The following MTRF1 variants were observed in gnomAD, a reference collection of about 807,000 sequenced individuals.
MTRF1 encodes mitochondrial translation release factor 1.
Under a neutral mutation model 62.9 loss-of-function variants are expected in MTRF1, and 51 were observed. That is an observed-to-expected ratio of 0.81 (90% CI 0.65 to 1.02). The LOEUF is 1.02. MTRF1 is among the 50% of genes least tolerant of loss of function. MTRF1 has a pLI of 0.00. For synonymous variants in MTRF1, 158 were observed against 181.9 expected (o/e 0.87, Z 1.06); for missense variants, 446 against 530.0 (o/e 0.84, Z 1.56).
chr13:41,293,374 A>T, the MTRF1 span, among the ~76,000 whole-genome samples: 2 of 152,210 alleles, frequency 1.3e-5, no homozygotes, highest in Admixed American at 6.5e-5. Flanking sequence ...GTAAAACAAA[A>T]ATAGAAATGT....
At chr13:41,219,962 C>T (rs1488317219) in intron 9 of MTRF1, among the ~76,000 whole-genome samples, 1 of 139,560 alleles carries the variant, frequency 7.2e-6, no homozygotes, top group Non-Finnish European at 1.5e-5. Context: ...CACACCATTG[C>T]ACTCCAGCCT....
At chr13:41,302,324 C>T in the MTRF1 span, among the ~76,000 whole-genome samples, 1 of 152,176 alleles carries the variant, frequency 6.6e-6, no homozygotes, top group Admixed American at 6.5e-5. Context: ...GCCACCGTGC[C>T]TGGCCAAGAA....
At chr13:41,257,773 G>A in intron 2 of MTRF1, 1 of 450,560 alleles carries the variant, frequency 2.2e-6, no homozygotes. Flanking sequence ...ATTCCAGCCT[G>A]GGCCACAGAG....
At chr13:41,292,080 AAAACAAAAACAAAAAAC>A in the MTRF1 span, among the ~76,000 whole-genome samples, 1 of 152,368 alleles carries the variant, frequency 6.6e-6, no homozygotes, top group South Asian at 2.1e-4. Context: ...AACAAAAACA[AAAACAAAAACAAAAAAC>A]AAACAAAAAC....
chr13:41,223,800 C>T lies in MTRF1; in HGVS notation c.1126-446G>A, dbSNP rs545625985. ...TTCAGTTCATCCCATTCTCCAACTG[C>T]CCATTTCCAATTGGTTTCATGGGTC... On this transcript the variant is annotated intron_variant, in intron 8 of 9. Coordinates refer to ENST00000379480, the MANE Select transcript of MTRF1 (RefSeq NM_004294.4). Among the ~76,000 whole-genome samples the T allele has an allele frequency of 5.8e-4, 89 of 152,308 alleles. 1 individual carries two copies. The South Asian group carries it at 6.2e-3, about 11-fold the overall frequency.
At chr13:41,226,256 CAA>C (rs1338234982) in intron 8 of MTRF1, among the ~76,000 whole-genome samples, 174 bp downstream of exon 8, 1 of 152,138 alleles carries the variant, frequency 6.6e-6, no homozygotes, top group Non-Finnish European at 1.5e-5. Flanking sequence ...CTGGTATGCC[CAA>C]GTTTAGCCAT....
chr13:41,308,988 G>T, the MTRF1 span, among the ~76,000 whole-genome samples: 4 of 152,048 alleles, frequency 2.6e-5, no homozygotes, highest in African/African-American at 9.7e-5. Context: ...TTGATTTTCT[G>T]TTCCTGCATT....
At chr13:41,265,059 A>G (rs1474319626), upstream of MTRF1, among the ~76,000 whole-genome samples, 2 of 152,326 alleles carry the variant, frequency 1.3e-5, no homozygotes, top group African/African-American at 4.8e-5. Context: ...AAGTTCTTTA[A>G]TTATTTATTC....
intron 7 of MTRF1, among the ~76,000 whole-genome samples, chr13:41,226,986 G>A (rs1170321054): frequency 1.3e-5 from 2 of 152,092 alleles, no homozygotes; most frequent in Non-Finnish European, 2.9e-5. Flanking sequence ...ACAGAGCTGA[G>A]GTTTTAAAAA....
chr13:41,265,887 G>A (rs967787725), upstream of MTRF1, among the ~76,000 whole-genome samples: 1 of 152,058 alleles, frequency 6.6e-6, no homozygotes, highest in Non-Finnish European at 1.5e-5. Context: ...GTCTCGCTCT[G>A]TCACCAGGCT....
chr13:41,217,249 T>G, intron 9 of MTRF1, 21 bp from the exon 10 acceptor site: 1 of 1,354,156 alleles, frequency 7.4e-7, no homozygotes, highest in Non-Finnish European at 1.0e-6. Flanking sequence ...AGAGAGCTAT[T>G]ATGAAACCTA....
At chr13:41,240,240 C>CTTGCCTCCTCCTGAGG in intron 6 of MTRF1, 21 bp downstream of exon 6, 1 of 1,585,880 alleles carries the variant, frequency 6.3e-7, no homozygotes, top group African/African-American at 1.4e-5. Context: ...GTGAGTTTCC[C>CTTGCCTCCTCCTGAGG]TTGCCTCCTC....
rs572432813 is a variant in MTRF1 at position 41,246,517 on chromosome 13, G to A, written c.698-6084C>T. Among the ~76,000 whole-genome samples, 20 of 152,168 alleles carry A rather than the reference G, an allele frequency of 1.3e-4. No homozygotes were observed. In the South Asian group the frequency reaches 3.9e-3, roughly 30 times the overall value. On this transcript the variant is annotated intron_variant, in intron 5 of 9. Coordinates refer to ENST00000379480, the MANE Select transcript of MTRF1 (RefSeq NM_004294.4). ...TAGGAAGGTGTCTTATGAGAGACTG[G>A]CATACTGTCTCTTAATAAGTCCAAC...
chr13:41,233,314 C>G (rs1242985165), intron 7 of MTRF1, among the ~76,000 whole-genome samples: 1 of 151,944 alleles, frequency 6.6e-6, no homozygotes, highest in African/African-American at 2.4e-5. Context: ...GGGAACAAGT[C>G]CAGAGAGCTG....
chr13:41,308,087 C>A, the MTRF1 span, among the ~76,000 whole-genome samples: 1 of 151,956 alleles, frequency 6.6e-6, no homozygotes, highest in Non-Finnish European at 1.5e-5. Context: ...ACGTGAAGAA[C>A]CTTCCTGGGC....
chr13:41,233,694 C>T (rs2035986867), intron 7 of MTRF1, among the ~76,000 whole-genome samples, 196 bp downstream of exon 7: 1 of 152,102 alleles, frequency 6.6e-6, no homozygotes, highest in South Asian at 2.1e-4. Flanking sequence ...GTCTGCTCAC[C>T]GTCTGCATCT....
At chr13:41,298,971 G>C in the MTRF1 span, among the ~76,000 whole-genome samples, 1 of 152,292 alleles carries the variant, frequency 6.6e-6, no homozygotes, top group South Asian at 2.1e-4. Context: ...CTTGAGGTCA[G>C]GAGTTTGAGA....
rs1566151079 is a variant in MTRF1 at position 41,252,684 on chromosome 13, A to G, written c.658T>C (p.Trp220Arg). 1.9e-6 allele frequency: 3 copies of G among 1,613,732 alleles called. No homozygotes were observed. In the East Asian group the frequency reaches 6.7e-5, roughly 36 times the overall value. The change falls in exon 5 of 10, where the codon TGG becomes CGG. Residue 220 changes from tryptophan to arginine, a missense_variant. Coordinates refer to ENST00000379480, the MANE Select transcript of MTRF1 (RefSeq NM_004294.4). ...MYQNYSCYKH[W>R]QFELLNYTPA... ...GTATAATTCAGAAGTTCAAATTGCC[A>G]GTGTTTATAGCACGAATAATTCTGG...
At chr13:41,253,252 A>G (rs1012011390) in intron 3 of MTRF1, among the ~76,000 whole-genome samples, 1 of 152,234 alleles carries the variant, frequency 6.6e-6, no homozygotes, top group African/African-American at 2.4e-5. Flanking sequence ...TATTTTCTGC[A>G]CTGTTATCAG....
Sources: gnomAD v4.1 joint callset for allele counts (sites outside exome capture counted in the v4.1 genomes callset) on GRCh38, gnomAD v4.1.1 for gene constraint, MANE v1.5 for transcripts, NCBI Gene and HGNC (gene_info 2026-07-23, HGNC 2026-07-21) for gene names.